Variants in PRICKLE1 observed in about 807,000 individuals in gnomAD.
PRICKLE1 encodes the protein prickle-like protein 1.
A neutral mutation model predicts 70.2 loss-of-function variants in PRICKLE1; 14 were observed. The ratio of observed to expected loss-of-function variants is 0.20; its 90% CI spans 0.13 to 0.31. The LOEUF (loss-of-function observed/expected upper bound fraction) is 0.31, where lower values mean the gene tolerates loss of function less well. Among genes scored for constraint, PRICKLE1 ranks in the 10% least tolerant of loss-of-function variants. The probability of loss-of-function intolerance (pLI) is 1.00; values close to 1 mark genes in which losing one functional copy is unlikely to be tolerated. For synonymous variants in PRICKLE1, 357 were observed against 379.9 expected, an observed-to-expected ratio of 0.94 and a Z score of 0.70; for missense variants, 821 against 1,026.2, an observed-to-expected ratio of 0.80 and a Z score of 2.73.
intron 1 of PRICKLE1, among the ~76,000 whole-genome samples, chr12:42,512,249 C>A (rs1421439855): frequency 6.6e-6 from 1 of 152,176 alleles, no homozygotes; most frequent in Non-Finnish European, 1.5e-5. Flanking sequence ...TAGTTCACTG[C>A]AACCTCTGCC....
chr12:42,584,619 A>G (rs140797830), intron 1 of PRICKLE1: 3 of 152,322 alleles, frequency 2.0e-5, no homozygotes, highest in African/African-American at 7.2e-5. Context: ...GCCTTTATTT[A>G]AATTAAAAGC....
intron 1 of PRICKLE1, chr12:42,484,075 C>A (rs1365619251): frequency 6.8e-6 from 1 of 146,296 alleles, no homozygotes; most frequent in South Asian, 2.2e-4. Flanking sequence ...CTGCCGATCC[C>A]GCCCTTCGAT....
chr12:42,581,088 T>C (rs1212040085), intron 1 of PRICKLE1, among the ~76,000 whole-genome samples: 1 of 152,132 alleles, frequency 6.6e-6, no homozygotes, highest in Non-Finnish European at 1.5e-5. Context: ...CAGTTGTACA[T>C]TGGAATCATC....
chr12:42,535,054 C>T (rs567040691), intron 1 of PRICKLE1, among the ~76,000 whole-genome samples: 14 of 152,276 alleles, frequency 9.2e-5, no homozygotes, highest in African/African-American at 3.4e-4. Context: ...TAGGGTGGGA[C>T]ACATGACCCT....
intron 1 of PRICKLE1, among the ~76,000 whole-genome samples, chr12:42,538,470 T>C (rs1312523694): frequency 1.3e-5 from 2 of 152,154 alleles, no homozygotes; most frequent in Non-Finnish European, 2.9e-5. Context: ...CTGATTCTGA[T>C]ACAGAAGGTA....
chr12:42,563,689 C>A (rs1592032296), intron 1 of PRICKLE1, among the ~76,000 whole-genome samples: 2 of 94,222 alleles, frequency 2.1e-5, no homozygotes, highest in Admixed American at 3.7e-4. Context: ...GGTGACAGAG[C>A]AAGACTCTGT....
chr12:42,575,330 G>T (rs1307915353), intron 1 of PRICKLE1, among the ~76,000 whole-genome samples: 1 of 152,094 alleles, frequency 6.6e-6, no homozygotes, highest in Non-Finnish European at 1.5e-5. Flanking sequence ...TGTTATTTCT[G>T]ATTTAAACTG....
rs1237014773 is a variant in PRICKLE1 at position 42,468,736 on chromosome 12, T to C, written c.478A>G (p.Thr160Ala). The C allele has an allele frequency of 2.5e-6, 4 of 1,614,044 alleles. No homozygotes were observed. The highest frequency in any genetic ancestry group is 3.4e-6 in the Non-Finnish European group (4 of 1,180,020). The change falls in exon 5 of 8, where the codon ACG becomes GCG. Residue 160 changes from threonine (T) to alanine (A), a missense_variant. Thr to Ala is a moderately conservative substitution (Grantham distance 58). Transcript: ENST00000345127. ...CWHPSCFVCF[T>A]CNELLVDLIY... ...AGGTCGACCAGCAGCTCATTACACG[T>C]GAAACAGACAAAACAGGATGGGTGC...
At chr12:42,474,437 C>A (rs1488839505) in intron 1 of PRICKLE1, among the ~76,000 whole-genome samples, 2 of 152,108 alleles carry the variant, frequency 1.3e-5, no homozygotes, top group Non-Finnish European at 2.9e-5. Flanking sequence ...ATATATTATT[C>A]CAACTAATAA....
chr12:42,550,726 G>C (rs1940300551), intron 1 of PRICKLE1, among the ~76,000 whole-genome samples: 1 of 152,148 alleles, frequency 6.6e-6, no homozygotes, highest in Admixed American at 6.5e-5. Context: ...TAAAAACTTA[G>C]AACCAGCAAG....
At chr12:42,504,120 G>A (rs187893999) in intron 1 of PRICKLE1, among the ~76,000 whole-genome samples, 1 of 152,254 alleles carries the variant, frequency 6.6e-6, no homozygotes, top group East Asian at 1.9e-4. Flanking sequence ...ATGAAGAAGA[G>A]CGAGGTCTGA....
chr12:42,547,264 G>A (rs1375632013), intron 1 of PRICKLE1, among the ~76,000 whole-genome samples: 6 of 152,192 alleles, frequency 3.9e-5, no homozygotes, highest in Non-Finnish European at 8.8e-5. Context: ...AGTGATGTAT[G>A]GTGGAAAGAA....
At chr12:42,466,752 G>C (rs1938110291) in intron 5 of PRICKLE1, among the ~76,000 whole-genome samples, 1 of 151,076 alleles carries the variant, frequency 6.6e-6, no homozygotes, top group African/African-American at 2.5e-5. Flanking sequence ...TGGTGTTTTA[G>C]TAGAAAGAAA....
chr12:42,468,949 T>A, intron 4 of PRICKLE1, 120 bp from the exon 5 acceptor site: 1 of 921,308 alleles, frequency 1.1e-6, no homozygotes, highest in Non-Finnish European at 1.7e-6. Flanking sequence ...GCTACCTCTT[T>A]TAGTGATTAA....
At chr12:42,588,267 CT>C (rs1174221184) in intron 1 of PRICKLE1, among the ~76,000 whole-genome samples, 1 of 152,210 alleles carries the variant, frequency 6.6e-6, no homozygotes, top group African/African-American at 2.4e-5. Context: ...TAAAAAATGT[CT>C]GATGGTGAAC....
chr12:42,477,571 C>G (rs570960902), intron 1 of PRICKLE1, among the ~76,000 whole-genome samples: 1 of 144,470 alleles, frequency 6.9e-6, no homozygotes, highest in East Asian at 2.1e-4. Flanking sequence ...ATTTAAAACA[C>G]TATATGGTAT....
chr12:42,509,061 T>C (rs1175477785), intron 1 of PRICKLE1, among the ~76,000 whole-genome samples: 1 of 152,198 alleles, frequency 6.6e-6, no homozygotes, highest in African/African-American at 2.4e-5. Flanking sequence ...TTGCATGTGG[T>C]TCCTTTGAGA....
At chr12:42,520,074 G>A (rs1364983522) in intron 1 of PRICKLE1, among the ~76,000 whole-genome samples, 1 of 152,160 alleles carries the variant, frequency 6.6e-6, no homozygotes, top group Non-Finnish European at 1.5e-5. Flanking sequence ...TTTATATGGG[G>A]TAATCTTATA....
At chr12:42,557,192 T>G (rs775030848) in intron 1 of PRICKLE1, among the ~76,000 whole-genome samples, 6 of 152,170 alleles carry the variant, frequency 3.9e-5, no homozygotes, top group Non-Finnish European at 8.8e-5. Context: ...CAGGAAGATA[T>G]GCACCTAGCT....
Sources: allele counts gnomAD v4.1 joint callset (sites outside exome capture counted in the v4.1 genomes callset), GRCh38; gene constraint gnomAD v4.1.1; transcripts MANE v1.5; gene names NCBI Gene and HGNC (gene_info 2026-07-23, HGNC 2026-07-21).